SUCLA2: variants seen among roughly 807,000 people sequenced by gnomAD.
The protein encoded by SUCLA2 is succinate--CoA ligase [ADP-forming] subunit beta, mitochondrial.
In SUCLA2, 30 loss-of-function variants were observed where a neutral mutation model predicts 54.8. The ratio of observed to expected loss-of-function variants is 0.55; its 90% CI spans 0.41 to 0.74. SUCLA2 has a LOEUF of 0.74. SUCLA2 is among the 30% of genes least tolerant of loss of function. The pLI, the probability that SUCLA2 is intolerant of heterozygous loss-of-function variation, is 0.00. For missense variants in SUCLA2, 476 were observed against 562.9 expected, an observed-to-expected ratio of 0.85 and a Z score of 1.56; for synonymous variants, 172 against 188.9, an observed-to-expected ratio of 0.91 and a Z score of 0.74.
At position 47,975,165 on chromosome 13, in the gene SUCLA2, C is replaced by CTT. The variant is rs200391823; in HGVS notation, c.535-1775_535-1774dup. 8.3e-5 allele frequency among the ~76,000 whole-genome samples: 12 copies of CTT among 145,070 alleles called. No individual in the cohort carries two copies. In the East Asian group the frequency reaches 1.2e-3, roughly 15 times the overall value. The stretch of plus-strand genomic sequence containing the variant: ...AATTCCACTTTTCTTTCTTTCTTTT[C>CTT]TTTTTTTTTTTTTTATCTGGAGTGT... On this transcript the variant is annotated intron_variant, in intron 4 of 10. Coordinates refer to ENST00000646932, the MANE Select transcript of SUCLA2 (RefSeq NM_003850.3).
intron 5 of SUCLA2, among the ~76,000 whole-genome samples, chr13:47,969,355 C>T (rs1949943835): frequency 6.6e-6 from 1 of 152,144 alleles, no homozygotes; most frequent in South Asian, 2.1e-4. Context: ...GAGTGTTATC[C>T]CATTTATTCA....
chr13:47,980,764 A>G (rs2137732136), intron 4 of SUCLA2, among the ~76,000 whole-genome samples: 1 of 152,310 alleles, frequency 6.6e-6, no homozygotes, highest in South Asian at 2.1e-4. Context: ...ATGGAATAGA[A>G]CAGAAAACCC....
intron 6 of SUCLA2, among the ~76,000 whole-genome samples, chr13:47,963,616 G>A (rs1566084672): frequency 2.6e-5 from 4 of 151,508 alleles, no homozygotes; most frequent in Admixed American, 6.6e-5. Context: ...CTGCACTCCA[G>A]CCTAGGCAAC....
chr13:47,980,280 T>C (rs976198378), intron 4 of SUCLA2, among the ~76,000 whole-genome samples: 1 of 152,114 alleles, frequency 6.6e-6, no homozygotes, highest in Non-Finnish European at 1.5e-5. Context: ...CTGGGCGTGG[T>C]GGCGGGAGCC....
intron 5 of SUCLA2, among the ~76,000 whole-genome samples, chr13:47,970,386 T>C (rs1431026234): frequency 2.6e-5 from 4 of 152,222 alleles, no homozygotes; most frequent in African/African-American, 9.6e-5. Context: ...CCTCCATGTA[T>C]TCTTGTAAAT....
intron 4 of SUCLA2, among the ~76,000 whole-genome samples, chr13:47,980,576 T>A (rs1384474874): frequency 6.6e-6 from 1 of 152,026 alleles, no homozygotes; most frequent in Non-Finnish European, 1.5e-5. Context: ...TGGCTTTTTT[T>A]TATAAAAATA....
chr13:47,982,488 A>G (rs546522176), intron 4 of SUCLA2, among the ~76,000 whole-genome samples: 1 of 66,224 alleles, frequency 1.5e-5, no homozygotes, highest in South Asian at 5.2e-4. Context: ...AAAAAGTTCT[A>G]GAAAAATTAA....
intron 8 of SUCLA2, among the ~76,000 whole-genome samples, chr13:47,950,746 C>T (rs993405812): frequency 1.5e-4 from 23 of 152,226 alleles, no homozygotes; most frequent in Admixed American, 3.3e-4. Context: ...ACCAAAATAT[C>T]ATTCCCCTCA....
intron 6 of SUCLA2, among the ~76,000 whole-genome samples, chr13:47,964,833 G>A (rs935061678): frequency 9.2e-5 from 14 of 152,004 alleles, no homozygotes; most frequent in African/African-American, 2.9e-4. Context: ...CTCCAGCCTG[G>A]GTGACAGAGC....
At chr13:47,951,700 T>C (rs2052119829) in intron 8 of SUCLA2, among the ~76,000 whole-genome samples, 2 of 152,150 alleles carry the variant, frequency 1.3e-5, no homozygotes, top group South Asian at 4.1e-4. Context: ...CTCTAACTTT[T>C]AGCATACAAC....
chr13:47,961,603 C>T (rs1949872051), intron 6 of SUCLA2, among the ~76,000 whole-genome samples: 1 of 152,070 alleles, frequency 6.6e-6, no homozygotes, highest in East Asian at 1.9e-4. Context: ...TAGAATTATA[C>T]AGGAAGCATT....
At chr13:47,993,503 A>C (rs1950165970) in intron 2 of SUCLA2, among the ~76,000 whole-genome samples, 1 of 152,110 alleles carries the variant, frequency 6.6e-6, no homozygotes, top group Non-Finnish European at 1.5e-5. Context: ...TCAATTATTC[A>C]CAGCAGGTAA....
At chr13:47,974,514 G>C (rs1353249534) in intron 4 of SUCLA2, among the ~76,000 whole-genome samples, 2 of 152,110 alleles carry the variant, frequency 1.3e-5, no homozygotes, top group Non-Finnish European at 2.9e-5. Context: ...TTGAGACTGA[G>C]AGATCAAGGC....
intron 4 of SUCLA2, chr13:47,988,282 G>C: frequency 3.8e-6 from 2 of 530,332 alleles, no homozygotes; most frequent in Non-Finnish European, 6.6e-6. Flanking sequence ...TGCTTTTAGT[G>C]AATTAACAAT....
intron 10 of SUCLA2, among the ~76,000 whole-genome samples, chr13:47,944,441 G>T (rs1197097794): frequency 4.6e-5 from 7 of 151,878 alleles, no homozygotes; most frequent in African/African-American, 1.7e-4. Context: ...TTTGATCAAG[G>T]TCCTACTGGT....
intron 4 of SUCLA2, among the ~76,000 whole-genome samples, chr13:47,976,097 TAAAAA>T (rs1190715314): frequency 6.6e-6 from 1 of 151,632 alleles, no homozygotes; most frequent in Non-Finnish European, 1.5e-5. Context: ...AATTTAAAAT[TAAAAA>T]AAAATTTTTG....
chr13:48,001,148 C>A, intron 1 of SUCLA2, 32 bp downstream of exon 1: 2 of 1,589,740 alleles, frequency 1.3e-6, no homozygotes, highest in Non-Finnish European at 8.6e-7. Context: ...TCCTGCCGAC[C>A]CTCGAGACGA....
chr13:47,948,947 G>C lies in SUCLA2; in HGVS notation c.1310C>G (p.Ala437Gly). The C allele has an allele frequency of 6.2e-7, 1 of 1,613,686 alleles. No homozygotes were observed. Among genetic ancestry groups the C allele is most frequent in the Non-Finnish European group, 8.5e-7 (1 of 1,179,730 alleles). The change falls in exon 10 of 11, where the codon GCT becomes GGT. Residue 437 changes from alanine to glycine, a missense_variant. By Grantham distance (60) the Ala-to-Gly change is moderately conservative. Transcript: ENST00000646932. ...TGAACATGGCCAATTTACCATTCTA[G>C]CAGCTTCATCCAAGTCATCACAAGC... ...ILACDDLDEA[A>G]RMVVKLSEIV...
In SUCLA2 at chr13:47,988,621, A is replaced by T. The variant is rs1950124478; in HGVS notation, c.454T>A (p.Cys152Ser). The change falls in exon 4 of 11, where the codon TGC (cysteine) becomes AGC (serine). Residue 152 changes from cysteine to serine, a missense_variant. Transcript: ENST00000646932. ...TKQTGEKGRICNQVLVCERKY... is the reference protein window; with the variant it reads ...TKQTGEKGRISNQVLVCERKY... ...CGCTCACAGACCAATACTTGATTGCATATTCTGCCCTTTTCTCCCGTTTGC... is the reference window on the plus strand; with the variant it reads ...CGCTCACAGACCAATACTTGATTGCTTATTCTGCCCTTTTCTCCCGTTTGC... 1.2e-6 allele frequency: 2 copies of T among 1,613,854 alleles called. No homozygotes were observed. Among genetic ancestry groups the T allele is most frequent in the South Asian group, 2.2e-5 (2 of 91,088 alleles).
Sources: gnomAD v4.1 joint callset for allele counts (sites outside exome capture counted in the v4.1 genomes callset) on GRCh38, gnomAD v4.1.1 for gene constraint, MANE v1.5 for transcripts, NCBI Gene and HGNC (gene_info 2026-07-23, HGNC 2026-07-21) for gene names.